The following ETV6 variants were observed in gnomAD, a reference collection of about 807,000 sequenced individuals.
ETV6 encodes the protein ETS variant transcription factor 6.
ETV6 carries 16 observed loss-of-function variants against 51.1 expected under a neutral mutation model. The observed-to-expected ratio is 0.31, with a 90% CI of 0.21 to 0.48. The LOEUF is 0.48. Among genes scored for constraint, ETV6 ranks in the 20% least tolerant of loss-of-function variants. ETV6 has a pLI of 0.99. For synonymous variants in ETV6, 240 were observed against 224.1 expected, an observed-to-expected ratio of 1.07 and a Z score of -0.64; for missense variants, 458 against 594.8, an observed-to-expected ratio of 0.77 and a Z score of 2.39.
At chr12:11,863,033 CCTT>C (rs1047247780) in intron 4 of ETV6, among the ~76,000 whole-genome samples, 15 of 152,292 alleles carry the variant, frequency 9.8e-5, no homozygotes, top group African/African-American at 3.6e-4. Context: ...TCCCTGGTGA[CCTT>C]CTTCTCTGAC....
chr12:11,697,081 G>T (rs1267753529), intron 1 of ETV6, among the ~76,000 whole-genome samples: 2 of 152,138 alleles, frequency 1.3e-5, no homozygotes. Context: ...TCCCTAAGCT[G>T]CAATCAGTGA....
chr12:11,894,760 G>A lies in ETV6; in HGVS notation c.*3714G>A. On this transcript the variant is annotated 3_prime_UTR_variant, in exon 8 of 8. Coordinates refer to ENST00000396373, the MANE Select transcript of ETV6 (RefSeq NM_001987.5). ...AAAAAAGAAACCTGGGTGTCAGGGA[G>A]GTGAAGTGACTTGCCCTAGGAGCAG... The A allele has an allele frequency of 4.3e-6, 1 of 233,374 alleles. No homozygotes were observed. Among genetic ancestry groups the A allele is most frequent in the Non-Finnish European group, 8.5e-6 (1 of 118,034 alleles). 14.5% of individuals were successfully genotyped at this position (233,374 alleles called of 1,614,324 possible). A position where few individuals can be genotyped will look rare whatever the true frequency, so the allele number is the denominator to read the frequency against.
intron 2 of ETV6, among the ~76,000 whole-genome samples, chr12:11,813,266 C>T (rs1806932645): frequency 6.6e-6 from 1 of 152,208 alleles, no homozygotes; most frequent in Non-Finnish European, 1.5e-5. Flanking sequence ...TCTTCCCTGC[C>T]CCTCCTCACC....
intron 2 of ETV6, among the ~76,000 whole-genome samples, chr12:11,769,821 G>A (rs993138651): frequency 6.6e-6 from 1 of 152,222 alleles, no homozygotes; most frequent in Non-Finnish European, 1.5e-5. Flanking sequence ...GAAGTAAGAA[G>A]GGAGGTAGCT....
At chr12:11,863,970 T>C (rs1016327468) in intron 4 of ETV6, among the ~76,000 whole-genome samples, 2 of 149,464 alleles carry the variant, frequency 1.3e-5, no homozygotes, top group Non-Finnish European at 1.5e-5. Flanking sequence ...CTACTGTTAA[T>C]GTTATCAGCT....
chr12:11,756,758 C>T (rs1174945919), intron 2 of ETV6, among the ~76,000 whole-genome samples: 2 of 152,160 alleles, frequency 1.3e-5, no homozygotes, highest in African/African-American at 2.4e-5. Flanking sequence ...CAGCACCTCA[C>T]GAGGTGCTGC....
chr12:11,709,144 G>A (rs1865127937), intron 1 of ETV6, among the ~76,000 whole-genome samples: 2 of 152,036 alleles, frequency 1.3e-5, no homozygotes, highest in African/African-American at 4.8e-5. Flanking sequence ...TACAAAGCAT[G>A]ATGATACAGT....
chr12:11,818,544 A>G (rs188052165), intron 2 of ETV6, among the ~76,000 whole-genome samples: 72 of 152,008 alleles, frequency 4.7e-4, no homozygotes, highest in Non-Finnish European at 7.9e-4. Flanking sequence ...AAAAAAAAAA[A>G]AAAAAGCAAT....
chr12:11,877,483 T>G (rs1440196618), intron 5 of ETV6, among the ~76,000 whole-genome samples: 1 of 152,172 alleles, frequency 6.6e-6, no homozygotes, highest in Non-Finnish European at 1.5e-5. Flanking sequence ...CACATGCATC[T>G]GTGCATAAAT....
At chr12:11,734,332 C>T (rs561896111) in intron 1 of ETV6, among the ~76,000 whole-genome samples, 4 of 152,026 alleles carry the variant, frequency 2.6e-5, no homozygotes, top group Admixed American at 6.5e-5. Flanking sequence ...CTGAACTGGG[C>T]GCAGTGGTTC....
At chr12:11,726,762 C>T (rs1267108859) in intron 1 of ETV6, among the ~76,000 whole-genome samples, 1 of 152,016 alleles carries the variant, frequency 6.6e-6, no homozygotes, top group Non-Finnish European at 1.5e-5. Flanking sequence ...AGAGCCAGAC[C>T]CTGTCTTAAA....
intron 1 of ETV6, among the ~76,000 whole-genome samples, chr12:11,668,162 A>G (rs1379546358): frequency 1.4e-5 from 2 of 143,614 alleles, no homozygotes; most frequent in Non-Finnish European, 3.1e-5. Flanking sequence ...TACCACAACT[A>G]TAGGTCTGTT....
chr12:11,685,050 G>T (rs1210135365), intron 1 of ETV6, among the ~76,000 whole-genome samples: 2 of 152,178 alleles, frequency 1.3e-5, no homozygotes, highest in Non-Finnish European at 2.9e-5. Context: ...ACCAGGTGAA[G>T]GGCAGGAGCT....
intron 2 of ETV6, among the ~76,000 whole-genome samples, chr12:11,792,312 G>T (rs1428882451): frequency 1.3e-5 from 2 of 152,204 alleles, no homozygotes; most frequent in Admixed American, 1.3e-4. Flanking sequence ...AGACATTGAA[G>T]TGTTGGCCGG....
chr12:11,886,928 A>G (rs1591751442), intron 7 of ETV6, among the ~76,000 whole-genome samples: 1 of 152,210 alleles, frequency 6.6e-6, no homozygotes, highest in Admixed American at 6.5e-5. Context: ...AGAGTGGCAG[A>G]TGGGGCTAGA....
At chr12:11,884,312 C>T (rs1947153993) in intron 5 of ETV6, 133 bp from the exon 6 acceptor site, 1 of 1,009,038 alleles carries the variant, frequency 9.9e-7, no homozygotes. Flanking sequence ...CCCGGTAAAA[C>T]AAGGAAGTTA....
At chr12:11,858,172 A>G (rs1381404491) in intron 4 of ETV6, among the ~76,000 whole-genome samples, 1 of 152,178 alleles carries the variant, frequency 6.6e-6, no homozygotes, top group Non-Finnish European at 1.5e-5. Context: ...GACTCATTTT[A>G]TCTTTGTAAT....
intron 3 of ETV6, among the ~76,000 whole-genome samples, chr12:11,843,076 A>G (rs1214902600): frequency 6.6e-6 from 1 of 152,226 alleles, no homozygotes; most frequent in Non-Finnish European, 1.5e-5. Flanking sequence ...ATTTATACGG[A>G]AGGTAATTTA....
At chr12:11,710,439 C>G (rs556580652) in intron 1 of ETV6, among the ~76,000 whole-genome samples, 7 of 152,120 alleles carry the variant, frequency 4.6e-5, no homozygotes, top group African/African-American at 1.7e-4. Flanking sequence ...CTGTTTATTC[C>G]ATGGTATTTT....
Sources: gnomAD v4.1 joint callset for allele counts (sites outside exome capture counted in the v4.1 genomes callset) on GRCh38, gnomAD v4.1.1 for gene constraint, MANE v1.5 for transcripts, NCBI Gene and HGNC (gene_info 2026-07-23, HGNC 2026-07-21) for gene names.